DNAH11: variants seen among roughly 807,000 people sequenced by gnomAD.
DNAH11 encodes the protein axonemal beta dynein heavy chain 11.
Under a neutral mutation model 526.0 loss-of-function variants are expected in DNAH11, and 442 were observed. That is an observed-to-expected ratio of 0.84 (90% confidence interval 0.78 to 0.91). DNAH11 has a LOEUF of 0.91. Ranked by LOEUF, DNAH11 falls within the 40% of genes least tolerant of loss-of-function variation. The pLI is 0.00. For missense variants in DNAH11, 6,989 were observed against 5,448.7 expected (o/e 1.28, Z -8.90); for synonymous variants, 2,461 against 1,935.9 (o/e 1.27, Z -7.12).
chr7:21,791,592 C>G (rs920310751), intron 61 of DNAH11, among the ~76,000 whole-genome samples: 10 of 152,268 alleles, frequency 6.6e-5, no homozygotes, highest in Admixed American at 3.9e-4. Flanking sequence ...CTTTCTTTCC[C>G]TCTTAAGAGC....
At chr7:21,662,339 A>G (rs1234032203) in intron 30 of DNAH11, among the ~76,000 whole-genome samples, 1 of 152,266 alleles carries the variant, frequency 6.6e-6, no homozygotes, top group East Asian at 1.9e-4. Flanking sequence ...TCTACAATTA[A>G]TATCTTGTTT....
intron 58 of DNAH11, among the ~76,000 whole-genome samples, chr7:21,784,808 A>G (rs1330478607): frequency 6.6e-6 from 1 of 152,178 alleles, no homozygotes; most frequent in Non-Finnish European, 1.5e-5. Flanking sequence ...TTATACTCTT[A>G]GGAAAGGCAA....
intron 76 of DNAH11, among the ~76,000 whole-genome samples, chr7:21,890,433 A>G (rs564894549): frequency 2.0e-5 from 3 of 152,260 alleles, no homozygotes; most frequent in South Asian, 4.1e-4. Context: ...AACCTTTCCA[A>G]GTGGTTTTGG....
At chr7:21,845,325 G>A (rs528057829) in intron 66 of DNAH11, among the ~76,000 whole-genome samples, 1 of 152,082 alleles carries the variant, frequency 6.6e-6, no homozygotes, top group Non-Finnish European at 1.5e-5. Context: ...TTTCTCTTAG[G>A]AGTTGTGTAG....
At chr7:21,847,118 T>A (rs1032961838) in intron 66 of DNAH11, among the ~76,000 whole-genome samples, 1 of 152,188 alleles carries the variant, frequency 6.6e-6, no homozygotes, top group African/African-American at 2.4e-5. Context: ...TAAATTCTGT[T>A]GATCCTTTCA....
intron 49 of DNAH11, among the ~76,000 whole-genome samples, chr7:21,743,144 C>T (rs578030072): frequency 6.6e-6 from 1 of 152,328 alleles, no homozygotes; most frequent in East Asian, 1.9e-4. Flanking sequence ...CCGTTCAGGC[C>T]ATGGCATATG....
At position 21,854,421 on chromosome 7, in the gene DNAH11, A is replaced by G. The variant is rs1782754628; in HGVS notation, c.11168A>G (p.Gln3723Arg). Residue 3723 changes from glutamine (Q) to arginine (R), a missense_variant, in exon 68 of 82, where the codon CAA becomes CGA. Coordinates refer to ENST00000409508, the MANE Select transcript of DNAH11 (RefSeq NM_001277115.2). ...CTTTATTTTGTTATTAATGACCTCC[A>G]AAAAATCAACCCCCTCTACCAATTC... is the stretch of plus-strand genomic sequence containing the variant. ...SLLYFVINDL[Q>R]KINPLYQFSL... 1.9e-6 allele frequency: 3 copies of G among 1,613,726 alleles called. No individual in the cohort carries two copies. Among genetic ancestry groups the G allele is most frequent in the South Asian group, 2.2e-5 (2 of 91,064 alleles).
rs765674180 is a variant in DNAH11, at chr7:21,606,528, T to C, written c.3751T>C (p.Cys1251Arg). The part of the protein sequence containing the change: ...NAEVTLIRKK[C>R]ILFDAKQAEF... ...GGAAGTCACTCTTATAAGGAAAAAA[T>C]GTATTTTGTTTGACGTAAGCTAGTT... is the stretch of plus-strand genomic sequence containing the variant. The change falls in exon 19 of 82, where the codon TGT (cysteine) becomes CGT (arginine). Residue 1251 changes from cysteine (C) to arginine (R), a missense_variant. Physicochemically the swap from Cys to Arg is radical, Grantham distance 180 (BLOSUM62 -3). Transcript: ENST00000409508. 1 of 1,609,578 alleles carries C rather than the reference T, an allele frequency of 6.2e-7. No individual in the cohort carries two copies. Among genetic ancestry groups the C allele is most frequent in the African/African-American group, 1.3e-5 (1 of 74,732 alleles).
intron 41 of DNAH11, 81 bp from the exon 42 acceptor site, chr7:21,711,631 T>C: frequency 1.3e-6 from 2 of 1,538,416 alleles, no homozygotes; most frequent in Non-Finnish European, 1.8e-6. Flanking sequence ...GTGATACTTC[T>C]GGTAGGGGAA....
chr7:21,791,979 G>A (rs558457353), intron 61 of DNAH11, among the ~76,000 whole-genome samples: 2 of 152,248 alleles, frequency 1.3e-5, no homozygotes, highest in South Asian at 2.1e-4. Flanking sequence ...CCTGCTTTGG[G>A]CGGGGCCTCA....
At position 21,873,277 on chromosome 7, in the gene DNAH11, G is replaced by A. The variant is rs1783569191; in HGVS notation, c.11971G>A (p.Val3991Ile). 2 of 1,583,120 alleles carry A rather than the reference G, an allele frequency of 1.3e-6. No individual in the cohort carries two copies. The highest frequency in any genetic ancestry group is 8.6e-7 in the Non-Finnish European group (1 of 1,163,220). The change falls in exon 74 of 82, where the codon GTT (valine) becomes ATT (isoleucine). Residue 3991 changes from valine to isoleucine, a missense_variant. Physicochemically the swap from Val to Ile is conservative, Grantham distance 29. Transcript: ENST00000409508. The stretch of plus-strand genomic sequence containing the variant: ...TATGCACCATGCTATCTTTCAGAAT[G>A]TTCATTTGGTAGCCAAGTGGCTAGG... ...KGGHWVILQN[V>I]HLVAKWLGTL...
chr7:21,866,473 A>G lies in DNAH11; in HGVS notation c.11500A>G (p.Ile3834Val), dbSNP rs988953435. 5 of 1,609,722 alleles carry G rather than the reference A, an allele frequency of 3.1e-6. No individual in the cohort carries two copies. Among genetic ancestry groups the G allele is most frequent in the Non-Finnish European group, 4.2e-6 (5 of 1,178,442 alleles). Reference sequence around the variant, plus strand: ...TTGTTTCCCTATCATATTACAGGCAATTGCCGTCATGGAAGAATTTCGAGG... The same window carrying G: ...TTGTTTCCCTATCATATTACAGGCAGTTGCCGTCATGGAAGAATTTCGAGG... ...TSQSWSAIKAIAVMEEFRGID... is the reference protein window; with the variant it reads ...TSQSWSAIKAVAVMEEFRGID... Residue 3834 changes from isoleucine to valine, a missense_variant, in exon 71 of 82, where the codon ATT becomes GTT. By Grantham distance (29) the Ile-to-Val change is conservative (BLOSUM62 3). Coordinates refer to ENST00000409508, the MANE Select transcript of DNAH11 (RefSeq NM_001277115.2).
intron 48 of DNAH11, among the ~76,000 whole-genome samples, chr7:21,740,045 A>G: frequency 6.6e-6 from 1 of 152,256 alleles, no homozygotes; most frequent in South Asian, 2.1e-4. Context: ...TTTGTATTAT[A>G]CGTTCCAGGG....
At chr7:21,818,443 T>C (rs948078135) in intron 65 of DNAH11, 104 bp downstream of exon 65, 6 of 1,313,678 alleles carry the variant, frequency 4.6e-6, no homozygotes, top group Non-Finnish European at 6.2e-6. Context: ...CTTAGTGATA[T>C]TTCTGAGTTT....
intron 56 of DNAH11, among the ~76,000 whole-genome samples, chr7:21,775,978 G>A (rs1047615217): frequency 3.3e-5 from 5 of 152,226 alleles, no homozygotes; most frequent in Non-Finnish European, 7.3e-5. Flanking sequence ...AAGGTTGTGA[G>A]CTAAAAGCAA....
chr7:21,697,035 T>C (rs1409101840), intron 35 of DNAH11, among the ~76,000 whole-genome samples: 1 of 152,118 alleles, frequency 6.6e-6, no homozygotes, highest in Non-Finnish European at 1.5e-5. Context: ...AGAAGAGATA[T>C]AGAATAACCT....
chr7:21,781,422 C>A (rs1246298562), intron 57 of DNAH11, among the ~76,000 whole-genome samples: 1 of 152,224 alleles, frequency 6.6e-6, no homozygotes, highest in Admixed American at 6.5e-5. Flanking sequence ...CAAGCATCAT[C>A]AAGCCTGTGA....
At chr7:21,652,741 T>C (rs1180573370) in intron 28 of DNAH11, among the ~76,000 whole-genome samples, 1 of 152,238 alleles carries the variant, frequency 6.6e-6, no homozygotes, top group Non-Finnish European at 1.5e-5. Flanking sequence ...ATTCAATTTT[T>C]GTACTAATCT....
chr7:21,849,472 TTTC>T (rs1243560484), intron 66 of DNAH11, among the ~76,000 whole-genome samples: 1 of 152,184 alleles, frequency 6.6e-6, no homozygotes, highest in Non-Finnish European at 1.5e-5. Context: ...TATGAAGAAA[TTTC>T]TTTTTAACAT....
Sources: allele counts gnomAD v4.1 joint callset (sites outside exome capture counted in the v4.1 genomes callset), GRCh38; gene constraint gnomAD v4.1.1; transcripts MANE v1.5; gene names NCBI Gene and HGNC (gene_info 2026-07-23, HGNC 2026-07-21).